The following PLPPR1 variants were observed in gnomAD, a reference collection of about 807,000 sequenced individuals.
PLPPR1 encodes phospholipid phosphatase related 1.
A neutral mutation model predicts 33.1 loss-of-function variants in PLPPR1; 10 were observed. The observed-to-expected ratio is 0.30, with a 90% CI of 0.19 to 0.51. The LOEUF (loss-of-function observed/expected upper bound fraction) is 0.51, where lower values mean the gene tolerates loss of function less well. Among genes scored for constraint, PLPPR1 ranks in the 20% least tolerant of loss-of-function variants. The pLI is 0.97. For missense variants in PLPPR1, 304 were observed against 408.1 expected (o/e 0.74, Z 2.20); for synonymous variants, 151 against 151.0 (o/e 1.00, Z 0.00).
At chr9:101,194,579 G>A (rs1164215908) in intron 2 of PLPPR1, among the ~76,000 whole-genome samples, 4 of 151,872 alleles carry the variant, frequency 2.6e-5, no homozygotes, top group Admixed American at 6.6e-5. Flanking sequence ...GAGAAACCCC[G>A]TTTCTACTAA....
At chr9:101,165,684 T>C (rs1462996281) in intron 1 of PLPPR1, among the ~76,000 whole-genome samples, 3 of 152,180 alleles carry the variant, frequency 2.0e-5, no homozygotes, top group Non-Finnish European at 4.4e-5. Flanking sequence ...AAGAGGAGGC[T>C]GCAGGTGATT....
chr9:101,251,515 A>G (rs1645383238), intron 2 of PLPPR1, among the ~76,000 whole-genome samples: 1 of 152,078 alleles, frequency 6.6e-6, no homozygotes, highest in African/African-American at 2.4e-5. Context: ...ACCAGGGTCA[A>G]TCTCTTCAAT....
chr9:101,127,117 AT>A (rs1315409703), intron 1 of PLPPR1, among the ~76,000 whole-genome samples: 1 of 152,190 alleles, frequency 6.6e-6, no homozygotes, highest in African/African-American at 2.4e-5. Context: ...TCTGCTTTCA[AT>A]TTGTCCCATT....
chr9:101,232,797 A>G (rs1022518995), intron 2 of PLPPR1, among the ~76,000 whole-genome samples: 1 of 151,946 alleles, frequency 6.6e-6, no homozygotes, highest in African/African-American at 2.4e-5. Flanking sequence ...TGTGAACCTC[A>G]GTTTCCTCAA....
intron 1 of PLPPR1, among the ~76,000 whole-genome samples, chr9:101,112,903 C>T (rs993984578): frequency 6.6e-6 from 1 of 152,242 alleles, no homozygotes; most frequent in Non-Finnish European, 1.5e-5. Context: ...ACATGGCAGA[C>T]ACTGACCATT....
rs931414024 is a variant in PLPPR1 at position 101,106,132 on chromosome 9, A to C, written c.-46+77030A>C. Among the ~76,000 whole-genome samples the C allele has an allele frequency of 2.8e-4, 42 of 151,218 alleles. No individual in the cohort carries two copies. In the South Asian group the frequency reaches 5.4e-3, roughly 20 times the overall value. On this transcript the variant is annotated intron_variant, in intron 1 of 7. Coordinates refer to ENST00000374874, the MANE Select transcript of PLPPR1 (RefSeq NM_207299.2). ...GCCAGTCTGTGTCTTTTAATTGCAG[A>C]ATTTAGTCCATTTACATTTAAAGTT...
chr9:101,091,679 T>C (rs1333408978), intron 1 of PLPPR1, among the ~76,000 whole-genome samples: 1 of 152,196 alleles, frequency 6.6e-6, no homozygotes. Flanking sequence ...TAATCCCCCT[T>C]TTCTGTATAA....
rs917421921 is a variant in PLPPR1, at chr9:101,235,317, G to T, written c.64-34563G>T. 5.9e-5 allele frequency among the ~76,000 whole-genome samples: 9 copies of T among 151,840 alleles called. No homozygotes were observed. In the Admixed American group the frequency reaches 5.9e-4, roughly 10 times the overall value. ...ACTGAATAAGTTTCGAACACAGGGA[G>T]AACTGTTTAATTTCACTCTCATGAC... is the stretch of plus-strand genomic sequence containing the variant. On this transcript the variant is annotated intron_variant, in intron 2 of 7. Transcript: ENST00000374874.
intron 5 of PLPPR1, 129 bp downstream of exon 5, chr9:101,309,590 T>A (rs761336928): frequency 4.9e-6 from 5 of 1,023,078 alleles, no homozygotes; most frequent in Non-Finnish European, 7.1e-6. Context: ...TTTCTCTACA[T>A]TATGCTATTG....
chr9:101,263,985 A>AG (rs1004016116), intron 2 of PLPPR1, among the ~76,000 whole-genome samples: 2 of 151,682 alleles, frequency 1.3e-5, no homozygotes, highest in Non-Finnish European at 2.9e-5. Flanking sequence ...ATCCCCTCTC[A>AG]GGGGGTCAAA....
intron 1 of PLPPR1, among the ~76,000 whole-genome samples, chr9:101,145,858 A>T (rs1831514937): frequency 6.6e-6 from 1 of 151,580 alleles, no homozygotes; most frequent in African/African-American, 2.4e-5. Context: ...AAAAAAAAAA[A>T]AAATGAAAAT....
chr9:101,254,252 G>A (rs1827761367), intron 2 of PLPPR1, among the ~76,000 whole-genome samples: 1 of 152,058 alleles, frequency 6.6e-6, no homozygotes, highest in African/African-American at 2.4e-5. Context: ...TTGTTTTCCT[G>A]CAACTAGACA....
chr9:101,272,019 C>G (rs1286038320), intron 3 of PLPPR1, among the ~76,000 whole-genome samples: 3 of 150,542 alleles, frequency 2.0e-5, no homozygotes, highest in South Asian at 2.1e-4. Flanking sequence ...GTCAGACATA[C>G]AAATACAGTT....
At chr9:101,089,314 T>G (rs1830715144) in intron 1 of PLPPR1, among the ~76,000 whole-genome samples, 1 of 152,040 alleles carries the variant, frequency 6.6e-6, no homozygotes, top group South Asian at 2.1e-4. Context: ...GATAGATAGA[T>G]AGATAGATAG....
At chr9:101,238,221 T>TAC (rs1827363623) in intron 2 of PLPPR1, among the ~76,000 whole-genome samples, 1 of 136,978 alleles carries the variant, frequency 7.3e-6, no homozygotes, top group East Asian at 2.3e-4. Context: ...CCTATATATA[T>TAC]ACACCTCTCT....
At position 101,048,128 on chromosome 9, in the gene PLPPR1, T is replaced by C. The variant is rs1830175982; in HGVS notation, c.-46+19026T>C. Among the ~76,000 whole-genome samples the C allele has an allele frequency of 2.0e-5, 3 of 152,218 alleles. No homozygotes were observed. The South Asian group carries it at 6.2e-4, about 32-fold the overall frequency. On this transcript the variant is annotated intron_variant, in intron 1 of 7. Coordinates refer to ENST00000374874, the MANE Select transcript of PLPPR1 (RefSeq NM_207299.2). ...ACACTCAGGTACCATTTGGCCCAATTTCATTTCTTCTTCTTCTGTGTCTTG... is the reference window on the plus strand; with the variant it reads ...ACACTCAGGTACCATTTGGCCCAATCTCATTTCTTCTTCTTCTGTGTCTTG...
intron 1 of PLPPR1, among the ~76,000 whole-genome samples, chr9:101,124,099 C>G (rs1831212379): frequency 6.6e-6 from 1 of 152,158 alleles, no homozygotes; most frequent in Non-Finnish European, 1.5e-5. Flanking sequence ...TAAAAGGTGG[C>G]CTCTTTTAAT....
chr9:101,288,922 T>G (rs558566754), intron 4 of PLPPR1, among the ~76,000 whole-genome samples: 1 of 152,348 alleles, frequency 6.6e-6, no homozygotes, highest in South Asian at 2.1e-4. Context: ...GCTATTGAGC[T>G]TTTTGAAGCA....
At chr9:101,316,684 A>AAGTGGGC (rs983908338) in intron 6 of PLPPR1, among the ~76,000 whole-genome samples, 28 of 151,088 alleles carry the variant, frequency 1.9e-4, no homozygotes, top group African/African-American at 5.6e-4. Flanking sequence ...GGAAACAGAA[A>AAGTGGGC]AGTGGGCAGT....
Sources: allele counts gnomAD v4.1 joint callset (sites outside exome capture counted in the v4.1 genomes callset), GRCh38; gene constraint gnomAD v4.1.1; transcripts MANE v1.5; gene names NCBI Gene and HGNC (gene_info 2026-07-23, HGNC 2026-07-21).